LDLRAD4: variants seen among roughly 807,000 people sequenced by gnomAD.
The protein encoded by LDLRAD4 is low density lipoprotein receptor class A domain containing 4, also known as low-density lipoprotein receptor class A domain-containing protein 4.
Under a neutral mutation model 17.0 loss-of-function variants are expected in LDLRAD4, and 5 were observed. The ratio of observed to expected loss-of-function variants is 0.29; its 90% CI spans 0.15 to 0.62. The LOEUF is 0.62. Among genes scored for constraint, LDLRAD4 ranks in the 20% least tolerant of loss-of-function variants. The pLI is 0.84. For synonymous variants in LDLRAD4, 168 were observed against 171.8 expected, an observed-to-expected ratio of 0.98 and a Z score of 0.17; for missense variants, 340 against 424.7, an observed-to-expected ratio of 0.80 and a Z score of 1.75.
At chr18:13,590,730 A>G (rs746308555) in intron 3 of LDLRAD4, among the ~76,000 whole-genome samples, 10 of 152,200 alleles carry the variant, frequency 6.6e-5, no homozygotes, top group Non-Finnish European at 1.3e-4. Flanking sequence ...TACCTGCTGG[A>G]CCTGGAAATG....
intron 3 of LDLRAD4, among the ~76,000 whole-genome samples, chr18:13,601,797 A>G (rs2095166573): frequency 6.6e-6 from 1 of 152,240 alleles, no homozygotes; most frequent in South Asian, 2.1e-4. Context: ...CCACCCAGCA[A>G]TCCCACTACT....
intron 2 of LDLRAD4, among the ~76,000 whole-genome samples, chr18:13,433,604 C>CTT (rs1227092777): frequency 6.6e-6 from 1 of 152,140 alleles, no homozygotes; most frequent in African/African-American, 2.4e-5. Flanking sequence ...ATTTGTCCTG[C>CTT]TTAAGATTGA....
rs185077576 is a variant in LDLRAD4 at position 13,311,142 on chromosome 18, T to G, written c.-383+32954T>G. 2.0e-5 allele frequency among the ~76,000 whole-genome samples: 3 copies of G among 152,388 alleles called. 1 individual carries two copies. The highest frequency in any genetic ancestry group is 1.3e-4 in the Admixed American group (2 of 15,314). On this transcript the variant is annotated intron_variant, in intron 1 of 5. Coordinates refer to ENST00000359446, the Ensembl canonical transcript of LDLRAD4. Reference sequence around the variant, plus strand: ...TATATTTCAGATCCATTCATTCATCTGTCCATTCAGCTGTTGAGTCCATGA... The same window carrying G: ...TATATTTCAGATCCATTCATTCATCGGTCCATTCAGCTGTTGAGTCCATGA...
intron 4 of LDLRAD4, 23 bp from the exon 6 acceptor site, chr18:13,643,336 C>G (rs746630040): frequency 1.4e-5 from 20 of 1,465,434 alleles, no homozygotes; most frequent in Admixed American, 2.3e-5. Context: ...TCCCCCCACT[C>G]TCCTCCCCTT....
At chr18:13,594,928 C>A (rs1330944907) in intron 3 of LDLRAD4, among the ~76,000 whole-genome samples, 1 of 151,956 alleles carries the variant, frequency 6.6e-6, no homozygotes, top group African/African-American at 2.4e-5. Context: ...TGTTTCAGGT[C>A]TATTGAGATT....
intron 1 of LDLRAD4, among the ~76,000 whole-genome samples, chr18:13,357,501 C>T (rs2083418971): frequency 6.6e-6 from 1 of 152,032 alleles, no homozygotes; most frequent in African/African-American, 2.4e-5. Context: ...TGACTGCAGA[C>T]TTGTGGTATA....
At chr18:13,598,841 G>A (rs2095125753) in intron 3 of LDLRAD4, among the ~76,000 whole-genome samples, 2 of 152,218 alleles carry the variant, frequency 1.3e-5, no homozygotes, top group South Asian at 2.1e-4. Context: ...TTCTCTGAGT[G>A]AGCCCTCCTC....
rs1216028987 is a variant in LDLRAD4 at position 13,610,284 on chromosome 18, TTTTTTTTTTTTTTTTTTTTTTG to T, written c.182-10832_182-10811del. 4.3e-4 allele frequency among the ~76,000 whole-genome samples: 25 copies of T among 58,646 alleles called. 1 individual carries two copies. In the East Asian group the frequency reaches 4.6e-3, roughly 11 times the overall value. The allele number at this position is 58,646 out of a possible 152,430, so 38.5% of individuals were successfully genotyped here. On this transcript the variant is annotated intron_variant, in intron 3 of 5. Transcript: ENST00000359446. ...GCCCTAATTTTTTTTTTTTTTTTTT[TTTTTTTTTTTTTTTTTTTTTTG>T]AGACGGAGTCTCACTCTGTCGCCCA...
chr18:13,561,162 T>C (rs1040775723), intron 3 of LDLRAD4, among the ~76,000 whole-genome samples: 1 of 152,176 alleles, frequency 6.6e-6, no homozygotes, highest in Non-Finnish European at 1.5e-5. Flanking sequence ...ACACTGGAGC[T>C]ATTCTTCAGG....
At chr18:13,481,419 G>A (rs2093079953) in intron 3 of LDLRAD4, among the ~76,000 whole-genome samples, 1 of 152,222 alleles carries the variant, frequency 6.6e-6, no homozygotes, top group African/African-American at 2.4e-5. Flanking sequence ...GGCACGTGTA[G>A]ACGCTGACTG....
At chr18:13,383,341 A>G (rs2145141898) in intron 1 of LDLRAD4, among the ~76,000 whole-genome samples, 1 of 152,310 alleles carries the variant, frequency 6.6e-6, no homozygotes, top group African/African-American at 2.4e-5. Context: ...GGAGACGGGC[A>G]GGCATGGTGC....
chr18:13,640,953 CAG>C (rs1286025348), intron 4 of LDLRAD4, among the ~76,000 whole-genome samples: 1 of 152,200 alleles, frequency 6.6e-6, no homozygotes, highest in Non-Finnish European at 1.5e-5. Context: ...TAAAAACACA[CAG>C]TGCAGAGGTG....
chr18:13,345,062 A>G (rs77678624), intron 1 of LDLRAD4, among the ~76,000 whole-genome samples: 18 of 152,184 alleles, frequency 1.2e-4, no homozygotes, highest in Non-Finnish European at 2.4e-4. Context: ...TCCTAATTGA[A>G]TACCCTTTAT....
chr18:13,260,957 CTAA>C (rs780412871), intron 1 of LDLRAD4, among the ~76,000 whole-genome samples: 1 of 152,238 alleles, frequency 6.6e-6, no homozygotes, highest in Non-Finnish European at 1.5e-5. Context: ...TTTGTTGGGA[CTAA>C]TGTGTCTGAA....
chr18:13,458,839 G>A (rs1011546302), intron 3 of LDLRAD4, among the ~76,000 whole-genome samples: 3 of 152,230 alleles, frequency 2.0e-5, no homozygotes, highest in Non-Finnish European at 4.4e-5. Context: ...GCCATTGCTG[G>A]CTTTCCAGAT....
intron 3 of LDLRAD4, among the ~76,000 whole-genome samples, chr18:13,443,593 T>C (rs1355068705): frequency 2.6e-5 from 4 of 152,200 alleles, no homozygotes; most frequent in Non-Finnish European, 4.4e-5. Flanking sequence ...TGCACCAGGA[T>C]CCAAAGAAGC....
chr18:13,255,501 G>GTGCATGCATGTGCACA (rs1422688043), intron 1 of LDLRAD4, among the ~76,000 whole-genome samples: 1 of 152,248 alleles, frequency 6.6e-6, no homozygotes, highest in African/African-American at 2.4e-5. Context: ...GAGGGCACAT[G>GTGCATGCATGTGCACA]TGCATGCATG....
chr18:13,381,279 G>A (rs2145093434), intron 1 of LDLRAD4, among the ~76,000 whole-genome samples: 1 of 152,052 alleles, frequency 6.6e-6, no homozygotes, highest in South Asian at 2.1e-4. Context: ...TGTTGGCTAG[G>A]TGGGTTTCAA....
intron 3 of LDLRAD4, among the ~76,000 whole-genome samples, chr18:13,527,572 G>A (rs2094053242): frequency 6.6e-6 from 1 of 152,196 alleles, no homozygotes; most frequent in African/African-American, 2.4e-5. Flanking sequence ...CTCACCCGCG[G>A]GCTTTCTGGC....
Sources: gnomAD v4.1 joint callset for allele counts (sites outside exome capture counted in the v4.1 genomes callset) on GRCh38, gnomAD v4.1.1 for gene constraint, MANE v1.5 for transcripts, NCBI Gene and HGNC (gene_info 2026-07-23, HGNC 2026-07-21) for gene names.